The following ASS1 variants were observed in gnomAD, a reference collection of about 807,000 sequenced individuals.
ASS1 encodes argininosuccinate synthase 1.
In ASS1, 58 loss-of-function variants were observed where a neutral mutation model predicts 60.5. The ratio of observed to expected loss-of-function variants is 0.96; its 90% CI spans 0.78 to 1.19. ASS1 has a LOEUF of 1.19. Among genes scored for constraint, ASS1 ranks in the 50% most tolerant of loss-of-function variants. The pLI is 0.00. For missense variants in ASS1, 454 were observed against 547.3 expected, an observed-to-expected ratio of 0.83 and a Z score of 1.70; for synonymous variants, 200 against 206.9, an observed-to-expected ratio of 0.97 and a Z score of 0.29.
intron 11 of ASS1, among the ~76,000 whole-genome samples, chr9:130,486,160 T>A (rs1452174138): frequency 6.6e-6 from 1 of 152,132 alleles, no homozygotes; most frequent in East Asian, 1.9e-4. Context: ...GGGGTCTCCC[T>A]ATATTGCCTG....
rs71387350 is a variant in ASS1 at position 130,448,422 on chromosome 9, G to GCGCGCACACA, written c.-6+3428_-6+3429insGCGCACACAC. 4.7e-3 allele frequency among the ~76,000 whole-genome samples: 669 copies of GCGCGCACACA among 143,362 alleles called. 4 individuals are homozygous for GCGCGCACACA. Among genetic ancestry groups the GCGCGCACACA allele is most frequent in the East Asian group, 0.015 (73 of 4,742 alleles). 94.1% of individuals were successfully genotyped at this position (143,362 alleles called of 152,430 possible). ...TGGGTGCACACAGGTGTGTGCGCGC[G>GCGCGCACACA]CACACACACACACACACACACACTG... On this transcript the variant is annotated intron_variant, in intron 1 of 14. Transcript: ENST00000352480.
At chr9:130,483,205 A>T (rs1200354640) in intron 11 of ASS1, among the ~76,000 whole-genome samples, 1 of 152,078 alleles carries the variant, frequency 6.6e-6, no homozygotes, top group African/African-American at 2.4e-5. Flanking sequence ...TACAGTAATG[A>T]GAGAAGCTGT....
chr9:130,474,362 A>T (rs1318195244), intron 8 of ASS1, among the ~76,000 whole-genome samples: 5 of 152,066 alleles, frequency 3.3e-5, no homozygotes, highest in Non-Finnish European at 2.9e-5. Flanking sequence ...TTCCAAATGC[A>T]CACACTGTCA....
chr9:130,455,299 C>T (rs1431505928), intron 3 of ASS1, among the ~76,000 whole-genome samples: 1 of 151,416 alleles, frequency 6.6e-6, no homozygotes, highest in Non-Finnish European at 1.5e-5. Context: ...CCATCCATCC[C>T]TTCATTATCC....
chr9:130,498,652 A>G (rs1486126683), intron 13 of ASS1, among the ~76,000 whole-genome samples: 2 of 152,190 alleles, frequency 1.3e-5, no homozygotes, highest in Non-Finnish European at 2.9e-5. Flanking sequence ...TGTGGGGCCA[A>G]ATGTGACACT....
rs369564700 is a variant in ASS1, at chr9:130,480,126, C to T, written c.774-259C>T. ...TAGTTAGCTGTGGCGCTAGGCAGGGCCCCAGGACACAGGGAACGGAAGGAA... is the reference window on the plus strand; with the variant it reads ...TAGTTAGCTGTGGCGCTAGGCAGGGTCCCAGGACACAGGGAACGGAAGGAA... On this transcript the variant is annotated intron_variant, in intron 10 of 14. Coordinates refer to ENST00000352480, the MANE Select transcript of ASS1 (RefSeq NM_054012.4). Among the ~76,000 whole-genome samples the T allele has an allele frequency of 1.1e-4, 17 of 152,364 alleles. No homozygotes were observed. In the East Asian group the frequency reaches 1.9e-3, roughly 17 times the overall value.
At chr9:130,446,167 A>T (rs561088325) in intron 1 of ASS1, among the ~76,000 whole-genome samples, 142 of 152,184 alleles carry the variant, frequency 9.3e-4, no homozygotes, top group African/African-American at 3.2e-3. Context: ...CCCAAGCTTC[A>T]GTCTGTTAGA....
In ASS1 at chr9:130,458,436, G is replaced by A. The variant is rs1465915503; in HGVS notation, c.210G>A (p.Glu70=). 3.1e-6 allele frequency: 5 copies of A among 1,611,980 alleles called. No individual in the cohort carries two copies. Among genetic ancestry groups the A allele is most frequent in the South Asian group, 1.1e-5 (1 of 90,998 alleles). The change falls in exon 4 of 15, where the codon GAG becomes GAA. Residue 70 remains glutamate, a synonymous_variant. Coordinates refer to ENST00000352480, the MANE Select transcript of ASS1 (RefSeq NM_054012.4). The part of the protein sequence containing the change: ...FIEDVSREFV[E]EFIWPAIQSS... Reference sequence around the variant, plus strand: ...AGGATGTCAGCAGGGAGTTTGTGGAGGAGTTCATCTGGCCGGCCATCCAGT... The same window carrying A: ...AGGATGTCAGCAGGGAGTTTGTGGAAGAGTTCATCTGGCCGGCCATCCAGT...
At position 130,470,019 on chromosome 9, in the gene ASS1, G is replaced by A. The variant is rs1588486172; in HGVS notation, c.496-815G>A. On this transcript the variant is annotated intron_variant, in intron 6 of 14. Transcript: ENST00000352480. The surrounding 1 kb of genome is among the most constrained non-coding windows in gnomAD (Gnocchi z 4.3). ...GCTTGGGGCCAGGAGAGCAGTGCCA[G>A]GTGTCCGAGTGCAGGAGGAGGCTGG... Among the ~76,000 whole-genome samples the A allele has an allele frequency of 6.6e-6, 1 of 152,328 alleles. No homozygotes were observed. Among genetic ancestry groups the A allele is most frequent in the East Asian group, 1.9e-4 (1 of 5,182 alleles).
In ASS1 at chr9:130,477,637, A is replaced by G. The variant is rs188429350; in HGVS notation, c.688+676A>G. Reference sequence around the variant, plus strand: ...GAGAGGGCATCTCTTGGCCTGGAGGAAGGATGGAGAAGCGAGGCATGCCCG... The same window carrying G: ...GAGAGGGCATCTCTTGGCCTGGAGGGAGGATGGAGAAGCGAGGCATGCCCG... On this transcript the variant is annotated intron_variant, in intron 9 of 14. Transcript: ENST00000352480. This position sits in a 1 kb window ranked among gnomAD's most constrained non-coding sequence, Gnocchi z 4.2. Among the ~76,000 whole-genome samples, 11 of 152,154 alleles carry G rather than the reference A, an allele frequency of 7.2e-5. No individual in the cohort carries two copies. Among genetic ancestry groups the G allele is most frequent in the Admixed American group, 7.2e-4 (11 of 15,286 alleles).
At position 130,488,693 on chromosome 9, in the gene ASS1, G is replaced by A. The variant is rs1413915899; in HGVS notation, c.839-640G>A. Among the ~76,000 whole-genome samples, 1 of 152,230 alleles carries A rather than the reference G, an allele frequency of 6.6e-6. No homozygotes were observed. Among genetic ancestry groups the A allele is most frequent in the East Asian group, 1.9e-4 (1 of 5,186 alleles). On this transcript the variant is annotated intron_variant, in intron 11 of 14. Coordinates refer to ENST00000352480, the MANE Select transcript of ASS1 (RefSeq NM_054012.4). The surrounding 1 kb of genome is among the most constrained non-coding windows in gnomAD (Gnocchi z 5.2). Reference sequence around the variant, plus strand: ...CCACGGCCAGGTGACTTACAGGGCAGCAGACAGCACTGGTGAGGGACTCGG... The same window carrying A: ...CCACGGCCAGGTGACTTACAGGGCAACAGACAGCACTGGTGAGGGACTCGG...
chr9:130,479,940 G>A (rs757073619), intron 10 of ASS1, 140 bp downstream of exon 10: 1 of 1,032,690 alleles, frequency 9.7e-7, no homozygotes, highest in Non-Finnish European at 1.5e-6. Flanking sequence ...TAGCCACAGA[G>A]TTTCCCGGAC....
chr9:130,495,402 G>A (rs72763035), intron 13 of ASS1, among the ~76,000 whole-genome samples: 47,658 of 150,540 alleles, frequency 0.32, 9,177 homozygotes, highest in Middle Eastern at 0.48. Flanking sequence ...AGGCAACATA[G>A]AAAGACCTTG....
intron 4 of ASS1, among the ~76,000 whole-genome samples, chr9:130,463,288 C>G (rs538768177): frequency 6.6e-6 from 1 of 152,366 alleles, no homozygotes; most frequent in East Asian, 1.9e-4. Context: ...TCTCTGGGGA[C>G]AGAGCTGGGC....
intron 1 of ASS1, 119 bp from the exon 2 acceptor site, chr9:130,452,105 C>A: frequency 2.3e-6 from 2 of 854,458 alleles, no homozygotes; most frequent in Non-Finnish European, 3.9e-6. Flanking sequence ...CCTTCAGTGG[C>A]AGCTTGCCCA....
chr9:130,471,570 C>G, intron 8 of ASS1, 55 bp downstream of exon 8: 1 of 1,561,940 alleles, frequency 6.4e-7, no homozygotes, highest in Non-Finnish European at 8.8e-7. Context: ...GGTAGCAGCT[C>G]CATGCCGATG....
At chr9:130,456,283 T>G (rs1845447893) in intron 3 of ASS1, among the ~76,000 whole-genome samples, 1 of 150,878 alleles carries the variant, frequency 6.6e-6, no homozygotes, top group Non-Finnish European at 1.5e-5. Context: ...CTGGCCAACA[T>G]GGTGAAACCC....
chr9:130,470,971 C>A lies in ASS1; in HGVS notation c.566+67C>A, dbSNP rs373441395. ...ATTCCAAAGGACGGCCACGCGCTGC[C>A]CCAGGACGTCCTGGTGACCCCCACA... On this transcript the variant is annotated intron_variant, in intron 7 of 14. Transcript: ENST00000352480. This position sits in a 1 kb window ranked among gnomAD's most constrained non-coding sequence, Gnocchi z 4.3. 2.1e-5 allele frequency: 32 copies of A among 1,544,262 alleles called. No homozygotes were observed. The East Asian group carries it at 2.2e-4, about 11-fold the overall frequency.
chr9:130,480,291 C>A, intron 10 of ASS1, 94 bp from the exon 11 acceptor site: 1 of 1,367,716 alleles, frequency 7.3e-7, no homozygotes, highest in Non-Finnish European at 1.0e-6. Flanking sequence ...TAATGTGTGG[C>A]CTAAGCTGTG....
Sources: allele counts gnomAD v4.1 joint callset (sites outside exome capture counted in the v4.1 genomes callset), GRCh38; gene constraint gnomAD v4.1.1; non-coding constraint Gnocchi (gnomAD v3.1); transcripts MANE v1.5; gene names NCBI Gene and HGNC (gene_info 2026-07-23, HGNC 2026-07-21).